The following MERTK variants were observed in gnomAD, a reference collection of about 807,000 sequenced individuals.
MERTK encodes tyrosine-protein kinase Mer.
MERTK carries 69 observed loss-of-function variants against 99.3 expected under a neutral mutation model. The observed-to-expected ratio is 0.70, with a 90% CI of 0.57 to 0.85. The LOEUF (loss-of-function observed/expected upper bound fraction) is 0.85, where lower values mean the gene tolerates loss of function less well. MERTK is among the 40% of genes least tolerant of loss of function. MERTK has a pLI of 0.00. For missense variants in MERTK, 1,125 were observed against 1,249.4 expected, an observed-to-expected ratio of 0.90 and a Z score of 1.50; for synonymous variants, 426 against 467.6, an observed-to-expected ratio of 0.91 and a Z score of 1.15.
At chr2:111,994,731 A>G in intron 9 of MERTK, 1 of 386,454 alleles carries the variant, frequency 2.6e-6, no homozygotes, top group Non-Finnish European at 5.0e-6. Flanking sequence ...GTGAGTTATG[A>G]TCACACCACT....
At chr2:112,011,583 T>G (rs1677106568) in intron 15 of MERTK, among the ~76,000 whole-genome samples, 1 of 151,938 alleles carries the variant, frequency 6.6e-6, no homozygotes, top group Non-Finnish European at 1.5e-5. Context: ...ACCCCATCTC[T>G]CATGAAAAAA....
chr2:111,992,490 C>T (rs895723937), intron 8 of MERTK, among the ~76,000 whole-genome samples: 2 of 152,128 alleles, frequency 1.3e-5, no homozygotes, highest in African/African-American at 2.4e-5. Flanking sequence ...TGGTGGGTCA[C>T]GCCTGTAATC....
chr2:112,018,178 C>G (rs1036927633), intron 15 of MERTK, among the ~76,000 whole-genome samples: 2 of 152,158 alleles, frequency 1.3e-5, no homozygotes, highest in Non-Finnish European at 2.9e-5. Context: ...ATCTTGTATC[C>G]TACAACCTTG....
rs563429759 is a variant in MERTK, at chr2:112,021,646, A to G, written c.2349+65A>G. 29 of 1,448,342 alleles carry G rather than the reference A, an allele frequency of 2.0e-5. No homozygotes were observed. The Middle Eastern group carries it at 5.2e-4, about 26-fold the overall frequency. The allele number at this position is 1,448,342 out of a possible 1,614,324, so 89.7% of individuals were successfully genotyped here. The stretch of plus-strand genomic sequence containing the variant: ...AGAGGAGGGCATATTGAAAGAAATG[A>G]CCTCAGCTGGTATGGCAAGACATTT... On this transcript the variant is annotated intron_variant, in intron 17 of 18. Transcript: ENST00000295408.
intron 4 of MERTK, among the ~76,000 whole-genome samples, chr2:111,955,426 G>T (rs190878960): frequency 4.8e-4 from 73 of 152,218 alleles, no homozygotes; most frequent in East Asian, 3.9e-3. Context: ...AATTTCAGGG[G>T]TTAGGTTTGG....
At chr2:111,965,095 A>G in intron 4 of MERTK, 96 bp from the exon 5 acceptor site, 2 of 1,222,336 alleles carry the variant, frequency 1.6e-6, no homozygotes, top group Non-Finnish European at 2.4e-6. Flanking sequence ...AAAGCCATGA[A>G]CCAAGAAATA....
intron 1 of MERTK, 73 bp downstream of exon 1, chr2:111,898,869 G>T: frequency 6.8e-7 from 1 of 1,466,952 alleles, no homozygotes; most frequent in South Asian, 1.3e-5. Context: ...TCTGGGGAGG[G>T]AGCGCGTCCA....
intron 15 of MERTK, chr2:112,013,449 A>C (rs1261712345): frequency 6.5e-6 from 1 of 154,316 alleles, no homozygotes; most frequent in Admixed American, 6.5e-5. Context: ...CTCATTGTTC[A>C]CTCAATGCCT....
chr2:112,004,275 C>T (rs62162480), intron 13 of MERTK, among the ~76,000 whole-genome samples: 49,150 of 151,888 alleles, frequency 0.32, 8,339 homozygotes, highest in East Asian at 0.71. Context: ...CTCTCACTCT[C>T]ATCTAGTAGA....
At chr2:111,987,009 T>A (rs1008728206) in intron 8 of MERTK, among the ~76,000 whole-genome samples, 17 of 152,192 alleles carry the variant, frequency 1.1e-4, no homozygotes, top group Non-Finnish European at 2.4e-4. Flanking sequence ...TCACTTTGAT[T>A]TCCTTCAATT....
chr2:112,020,893 G>A (rs894390487), intron 16 of MERTK, among the ~76,000 whole-genome samples: 1 of 152,002 alleles, frequency 6.6e-6, no homozygotes, highest in African/African-American at 2.4e-5. Flanking sequence ...TCAGAGCGAT[G>A]CAAGACTGCA....
intron 15 of MERTK, among the ~76,000 whole-genome samples, chr2:112,017,950 T>A (rs1677252171): frequency 6.6e-6 from 1 of 152,170 alleles, no homozygotes; most frequent in African/African-American, 2.4e-5. Flanking sequence ...CAGGATCTCA[T>A]GCAATAAAGC....
intron 15 of MERTK, among the ~76,000 whole-genome samples, chr2:112,015,493 G>A (rs1677198944): frequency 6.6e-6 from 1 of 152,136 alleles, no homozygotes; most frequent in Admixed American, 6.5e-5. Context: ...ATGAGTGTCT[G>A]TTGTTCAAGT....
chr2:111,921,174 C>A (rs1684451105), intron 1 of MERTK, among the ~76,000 whole-genome samples: 1 of 152,108 alleles, frequency 6.6e-6, no homozygotes, highest in Admixed American at 6.6e-5. Context: ...GGTCTAGGTT[C>A]TGCGTTTTCT....
intron 1 of MERTK, among the ~76,000 whole-genome samples, 177 bp from the exon 2 acceptor site, chr2:111,928,943 C>T (rs537782220): frequency 3.3e-5 from 5 of 152,052 alleles, no homozygotes; most frequent in Admixed American, 6.6e-5. Flanking sequence ...AGTTTACAAA[C>T]GAATGAACTG....
chr2:111,965,184 A>T lies in MERTK; in HGVS notation c.758-7A>T. On this transcript the variant is annotated splice_polypyrimidine_tract_variant and splice_region_variant and intron_variant, in intron 4 of 18. Transcript: ENST00000295408. ...CTGCTGGTCTCATGAGTCTCCTTCCATTCCAGGCCTGACGGAGATGGCGGT... is the reference window on the plus strand; with the variant it reads ...CTGCTGGTCTCATGAGTCTCCTTCCTTTCCAGGCCTGACGGAGATGGCGGT... The T allele has an allele frequency of 6.2e-7, 1 of 1,613,932 alleles. No individual in the cohort carries two copies. The highest frequency in any genetic ancestry group is 1.1e-5 in the South Asian group (1 of 91,086).
At chr2:111,971,246 T>C (rs1303790446) in intron 6 of MERTK, among the ~76,000 whole-genome samples, 2 of 152,060 alleles carry the variant, frequency 1.3e-5, no homozygotes, top group Admixed American at 6.5e-5. Context: ...GTCAATCTTA[T>C]TTATCTTTTT....
chr2:111,938,216 A>G (rs1684797463), intron 2 of MERTK, among the ~76,000 whole-genome samples: 1 of 152,014 alleles, frequency 6.6e-6, no homozygotes, highest in African/African-American at 2.4e-5. Flanking sequence ...AGCTGGGACC[A>G]CAGGCATGAG....
chr2:112,003,810 T>C lies in MERTK; in HGVS notation c.1787-94T>C, dbSNP rs1676921901. 2.2e-5 allele frequency: 26 copies of C among 1,174,044 alleles called. No individual in the cohort carries two copies. The South Asian group carries it at 3.1e-4, about 14-fold the overall frequency. The allele number at this position is 1,174,044 out of a possible 1,614,324, so 72.7% of individuals were successfully genotyped here. Reference sequence around the variant, plus strand: ...GCTGCCCGTGGGTGAGTTGCTCTCATACCACATGAAACCAGCAGCTCTGGC... The same window carrying C: ...GCTGCCCGTGGGTGAGTTGCTCTCACACCACATGAAACCAGCAGCTCTGGC... On this transcript the variant is annotated intron_variant, in intron 12 of 18. Transcript: ENST00000295408.
Sources: gnomAD v4.1 joint callset for allele counts (sites outside exome capture counted in the v4.1 genomes callset) on GRCh38, gnomAD v4.1.1 for gene constraint, MANE v1.5 for transcripts, NCBI Gene and HGNC (gene_info 2026-07-23, HGNC 2026-07-21) for gene names.